Variants in TTC7B observed in about 807,000 individuals in gnomAD.
TTC7B encodes tetratricopeptide repeat domain 7B, also known as tetratricopeptide repeat protein 7B.
A neutral mutation model predicts 106.8 loss-of-function variants in TTC7B; 28 were observed. The observed-to-expected ratio is 0.26, with a 90% CI of 0.19 to 0.36. The LOEUF is 0.36. Ranked by LOEUF, TTC7B falls within the 10% of genes least tolerant of loss-of-function variation. TTC7B has a pLI of 1.00. For synonymous variants in TTC7B, 405 were observed against 430.6 expected, an observed-to-expected ratio of 0.94 and a Z score of 0.74; for missense variants, 862 against 1,076.4, an observed-to-expected ratio of 0.80 and a Z score of 2.79.
chr14:90,677,888 C>A, intron 8 of TTC7B: 1 of 437,352 alleles, frequency 2.3e-6, no homozygotes, highest in Non-Finnish European at 4.5e-6. Flanking sequence ...CCACTTCCTA[C>A]AAAGTGAGTC....
intron 3 of TTC7B, among the ~76,000 whole-genome samples, chr14:90,755,680 C>T (rs950739984): frequency 4.0e-5 from 6 of 151,426 alleles, no homozygotes; most frequent in African/African-American, 1.5e-4. Context: ...AAAAAACAAA[C>T]AAACAAAAAA....
At chr14:90,645,959 G>A (rs962844809) in intron 14 of TTC7B, among the ~76,000 whole-genome samples, 1 of 152,196 alleles carries the variant, frequency 6.6e-6, no homozygotes, top group South Asian at 2.1e-4. Context: ...CAGGAGCAAG[G>A]CTTCATGGAG....
chr14:90,572,037 T>C (rs968670850), intron 19 of TTC7B, among the ~76,000 whole-genome samples: 1 of 152,178 alleles, frequency 6.6e-6, no homozygotes, highest in African/African-American at 2.4e-5. Flanking sequence ...ACAGCAATTT[T>C]TCCCAAATCT....
intron 16 of TTC7B, among the ~76,000 whole-genome samples, chr14:90,614,396 A>T (rs1029692638): frequency 6.6e-6 from 1 of 152,238 alleles, no homozygotes; most frequent in Non-Finnish European, 1.5e-5. Context: ...AAGAAATGTG[A>T]ATGTGAGTAT....
At chr14:90,800,805 C>T (rs373055327) in intron 1 of TTC7B, among the ~76,000 whole-genome samples, 3 of 150,466 alleles carry the variant, frequency 2.0e-5, no homozygotes, top group East Asian at 2.0e-4. Context: ...AGCAAGACTC[C>T]GTCTCAAAAA....
intron 9 of TTC7B, among the ~76,000 whole-genome samples, chr14:90,664,310 C>CG (rs1194280674): frequency 2.0e-5 from 3 of 152,116 alleles, no homozygotes; most frequent in African/African-American, 7.2e-5. Flanking sequence ...TGCTCTGTCA[C>CG]CCAGGCTGGA....
chr14:90,790,600 C>A (rs976804276), intron 1 of TTC7B, among the ~76,000 whole-genome samples: 4 of 152,142 alleles, frequency 2.6e-5, no homozygotes, highest in African/African-American at 7.2e-5. Context: ...CACGACCTCA[C>A]CCCTCCTCGC....
At chr14:90,546,985 C>G (rs1474010020) in intron 19 of TTC7B, among the ~76,000 whole-genome samples, 1 of 152,216 alleles carries the variant, frequency 6.6e-6, no homozygotes, top group Non-Finnish European at 1.5e-5. Context: ...CTGCGTGTGC[C>G]CTTGATACTG....
chr14:90,745,043 G>C, intron 3 of TTC7B, 121 bp from the exon 4 acceptor site: 1 of 944,872 alleles, frequency 1.1e-6, no homozygotes, highest in South Asian at 1.6e-5. Flanking sequence ...CAAATAGACA[G>C]TTTACTTCCT....
At chr14:90,684,957 G>T (rs186881619) in intron 7 of TTC7B, among the ~76,000 whole-genome samples, 214 of 152,278 alleles carry the variant, frequency 1.4e-3, no homozygotes, top group Non-Finnish European at 2.2e-4. Context: ...AAGAAAGCAA[G>T]GAAGCCTATG....
chr14:90,586,188 G>T (rs1449591159), intron 18 of TTC7B, among the ~76,000 whole-genome samples: 1 of 152,184 alleles, frequency 6.6e-6, no homozygotes, highest in East Asian at 1.9e-4. Context: ...CCCCCTGGCT[G>T]CCGCGATGCC....
chr14:90,739,519 A>G (rs1889675062), intron 4 of TTC7B, among the ~76,000 whole-genome samples: 1 of 152,216 alleles, frequency 6.6e-6, no homozygotes, highest in Non-Finnish European at 1.5e-5. Flanking sequence ...TCCTGCCGGG[A>G]GAACATAATC....
intron 18 of TTC7B, among the ~76,000 whole-genome samples, chr14:90,590,346 C>T (rs1472734771): frequency 2.0e-5 from 3 of 152,142 alleles, no homozygotes; most frequent in Admixed American, 6.5e-5. Flanking sequence ...GCTGGAAATC[C>T]AAGGTCATCT....
At chr14:90,811,109 G>A (rs560800110) in intron 1 of TTC7B, among the ~76,000 whole-genome samples, 4 of 152,194 alleles carry the variant, frequency 2.6e-5, no homozygotes, top group South Asian at 2.1e-4. Flanking sequence ...CCATGGCCAC[G>A]AGCCCCAATC....
chr14:90,741,983 T>C (rs931170935), intron 4 of TTC7B, among the ~76,000 whole-genome samples: 2 of 152,242 alleles, frequency 1.3e-5, no homozygotes, highest in Non-Finnish European at 2.9e-5. Context: ...GAAAATCGTG[T>C]ACCTACGCTG....
intron 17 of TTC7B, among the ~76,000 whole-genome samples, chr14:90,606,006 C>T (rs1267594923): frequency 6.6e-6 from 1 of 152,134 alleles, no homozygotes; most frequent in Non-Finnish European, 1.5e-5. Flanking sequence ...CAAGATTTAC[C>T]TGGGCACAGA....
chr14:90,590,534 A>C (rs1891911879), intron 18 of TTC7B, among the ~76,000 whole-genome samples: 1 of 152,186 alleles, frequency 6.6e-6, no homozygotes, highest in Non-Finnish European at 1.5e-5. Flanking sequence ...ATTTCTTCTA[A>C]AGCTTACAAA....
At chr14:90,677,954 A>G in intron 8 of TTC7B, 1 of 390,154 alleles carries the variant, frequency 2.6e-6, no homozygotes, top group East Asian at 7.4e-5. Flanking sequence ...TTTTCTTGTT[A>G]GGAGTCCCTC....
chr14:90,681,480 A>G (rs1204968189), intron 7 of TTC7B, among the ~76,000 whole-genome samples: 3 of 139,102 alleles, frequency 2.2e-5, no homozygotes, highest in African/African-American at 7.7e-5. Context: ...CACACCCCCA[A>G]TAAAAGGCAA....
Sources: allele counts gnomAD v4.1 joint callset (sites outside exome capture counted in the v4.1 genomes callset), GRCh38; gene constraint gnomAD v4.1.1; transcripts MANE v1.5; gene names NCBI Gene and HGNC (gene_info 2026-07-23, HGNC 2026-07-21).